The following NXPH1 variants were observed in gnomAD, a reference collection of about 807,000 sequenced individuals.
The protein encoded by NXPH1 is neurexophilin-1.
Under a neutral mutation model 23.7 loss-of-function variants are expected in NXPH1, and 5 were observed. The observed-to-expected ratio is 0.21, with a 90% CI of 0.11 to 0.44. NXPH1 has a LOEUF of 0.44. Among genes scored for constraint, NXPH1 ranks in the 20% least tolerant of loss-of-function variants. The pLI, the probability that NXPH1 is intolerant of heterozygous loss-of-function variation, is 0.99. For missense variants in NXPH1, 324 were observed against 321.6 expected, an observed-to-expected ratio of 1.01 and a Z score of -0.06; for synonymous variants, 144 against 122.2, an observed-to-expected ratio of 1.18 and a Z score of -1.18.
intron 2 of NXPH1, among the ~76,000 whole-genome samples, chr7:8,632,743 G>A (rs1029795138): frequency 6.6e-6 from 1 of 152,182 alleles, no homozygotes; most frequent in East Asian, 1.9e-4. Context: ...AATTTCCGTG[G>A]TGTAGAGCTG....
At chr7:8,628,655 A>T (rs1820051805) in intron 2 of NXPH1, among the ~76,000 whole-genome samples, 1 of 152,046 alleles carries the variant, frequency 6.6e-6, no homozygotes, top group Admixed American at 6.6e-5. Context: ...CAATGCAGAG[A>T]TTATCTTCAG....
At chr7:8,477,795 C>A (rs564584723) in intron 2 of NXPH1, among the ~76,000 whole-genome samples, 61 of 152,056 alleles carry the variant, frequency 4.0e-4, no homozygotes, top group African/African-American at 1.4e-3. Flanking sequence ...GTCTAGTTAG[C>A]CATTATTGCT....
At chr7:8,468,376 T>C (rs1584175070) in intron 2 of NXPH1, among the ~76,000 whole-genome samples, 1 of 152,128 alleles carries the variant, frequency 6.6e-6, no homozygotes, top group South Asian at 2.1e-4. Flanking sequence ...ACATTTTATC[T>C]TGAAAAATGT....
At chr7:8,459,633 G>A (rs1427742981) in intron 2 of NXPH1, among the ~76,000 whole-genome samples, 1 of 152,116 alleles carries the variant, frequency 6.6e-6, no homozygotes, top group Non-Finnish European at 1.5e-5. Context: ...TTTGATTCCA[G>A]TCTACTAAAC....
chr7:8,437,652 G>C (rs920998943), intron 2 of NXPH1, among the ~76,000 whole-genome samples: 1 of 152,184 alleles, frequency 6.6e-6, no homozygotes, highest in Non-Finnish European at 1.5e-5. Flanking sequence ...GTGTTTGTTG[G>C]CAGTTAAACC....
At chr7:8,463,960 C>A (rs1187399676) in intron 2 of NXPH1, among the ~76,000 whole-genome samples, 2 of 152,168 alleles carry the variant, frequency 1.3e-5, no homozygotes, top group African/African-American at 4.8e-5. Flanking sequence ...GTTCCTGATT[C>A]ATATTTCTAT....
At chr7:8,654,943 G>T (rs1378581614) in intron 2 of NXPH1, among the ~76,000 whole-genome samples, 2 of 152,138 alleles carry the variant, frequency 1.3e-5, no homozygotes, top group African/African-American at 4.8e-5. Flanking sequence ...ATGCAAAGGT[G>T]TGTGTATATG....
intron 2 of NXPH1, among the ~76,000 whole-genome samples, chr7:8,689,632 G>T (rs1440045615): frequency 1.3e-5 from 2 of 152,172 alleles, no homozygotes; most frequent in Non-Finnish European, 2.9e-5. Flanking sequence ...CATGAGAACA[G>T]GGAGTAAATA....
chr7:8,558,550 C>A (rs1383601191), intron 2 of NXPH1, among the ~76,000 whole-genome samples: 1 of 151,600 alleles, frequency 6.6e-6, no homozygotes, highest in African/African-American at 2.4e-5. Flanking sequence ...TGGTCTCTTT[C>A]TTTGTTCTTA....
chr7:8,693,824 A>G (rs1466100464), intron 2 of NXPH1, among the ~76,000 whole-genome samples: 1 of 151,996 alleles, frequency 6.6e-6, no homozygotes, highest in Admixed American at 6.6e-5. Flanking sequence ...TTCTCCTGGG[A>G]TCTCTGCATA....
intron 2 of NXPH1, among the ~76,000 whole-genome samples, chr7:8,673,031 C>G (rs1214988074): frequency 6.6e-6 from 1 of 152,142 alleles, no homozygotes; most frequent in Non-Finnish European, 1.5e-5. Flanking sequence ...GACATAATTT[C>G]TGTTACAAAA....
At chr7:8,682,162 G>A (rs555284097) in intron 2 of NXPH1, among the ~76,000 whole-genome samples, 2 of 152,276 alleles carry the variant, frequency 1.3e-5, no homozygotes, top group South Asian at 4.1e-4. Context: ...CAGGCAGTGA[G>A]GATGAATGTG....
chr7:8,489,175 C>T (rs1050213252), intron 2 of NXPH1, among the ~76,000 whole-genome samples: 1 of 152,030 alleles, frequency 6.6e-6, no homozygotes, highest in Non-Finnish European at 1.5e-5. Flanking sequence ...CAACGTCTGT[C>T]CCCACGTGCT....
At chr7:8,692,919 C>T (rs954313988) in intron 2 of NXPH1, among the ~76,000 whole-genome samples, 8 of 152,160 alleles carry the variant, frequency 5.3e-5, no homozygotes, top group South Asian at 2.1e-4. Context: ...GACAAAACAC[C>T]GCCTGTAAGT....
intron 2 of NXPH1, among the ~76,000 whole-genome samples, chr7:8,534,859 C>T (rs1176757091): frequency 1.3e-5 from 2 of 151,984 alleles, no homozygotes; most frequent in Admixed American, 6.6e-5. Flanking sequence ...GGTTATGTAC[C>T]TACTAAATTG....
chr7:8,520,297 A>G lies in NXPH1; in HGVS notation c.54+84530A>G, dbSNP rs935343631. Reference sequence around the variant, plus strand: ...CTGTCTGACTTTTTCAGACAATTCAACAACTTCTTTTTAAGGGGAAAAGCA... The same window carrying G: ...CTGTCTGACTTTTTCAGACAATTCAGCAACTTCTTTTTAAGGGGAAAAGCA... On this transcript the variant is annotated intron_variant, in intron 2 of 2. Coordinates refer to ENST00000405863, the MANE Select transcript of NXPH1 (RefSeq NM_152745.3). 9.2e-5 allele frequency among the ~76,000 whole-genome samples: 14 copies of G among 152,170 alleles called. 1 individual carries two copies. Among genetic ancestry groups the G allele is most frequent in the Admixed American group, 9.2e-4 (14 of 15,262 alleles).
chr7:8,677,363 T>G (rs1339009913), intron 2 of NXPH1, among the ~76,000 whole-genome samples: 1 of 152,196 alleles, frequency 6.6e-6, no homozygotes, highest in Non-Finnish European at 1.5e-5. Flanking sequence ...AGAATGTGAA[T>G]AAAGAAATAA....
chr7:8,600,026 G>A (rs1458556790), intron 2 of NXPH1, among the ~76,000 whole-genome samples: 1 of 151,964 alleles, frequency 6.6e-6, no homozygotes, highest in Non-Finnish European at 1.5e-5. Context: ...TTGAAGGAGG[G>A]AAGGTGGCGT....
intron 2 of NXPH1, among the ~76,000 whole-genome samples, chr7:8,692,153 T>A (rs952618360): frequency 6.6e-6 from 1 of 151,764 alleles, no homozygotes; most frequent in African/African-American, 2.4e-5. Context: ...TCTGTTGGGC[T>A]TTGTAAACCA....
Sources: gnomAD v4.1 joint callset for allele counts (sites outside exome capture counted in the v4.1 genomes callset) on GRCh38, gnomAD v4.1.1 for gene constraint, MANE v1.5 for transcripts, NCBI Gene and HGNC (gene_info 2026-07-23, HGNC 2026-07-21) for gene names.